TPD52L1: variants seen among roughly 807,000 people sequenced by gnomAD.
The protein encoded by TPD52L1 is TPD52 like 1.
Under a neutral mutation model 28.7 loss-of-function variants are expected in TPD52L1, and 18 were observed. That is an observed-to-expected ratio of 0.63 (90% CI 0.43 to 0.93). The LOEUF is 0.93. TPD52L1 is among the 40% of genes least tolerant of loss of function. The pLI is 0.00. For synonymous variants in TPD52L1, 75 were observed against 88.8 expected (o/e 0.84, Z 0.88); for missense variants, 203 against 254.8 (o/e 0.80, Z 1.39).
intron 1 of TPD52L1, among the ~76,000 whole-genome samples, chr6:125,158,062 A>G (rs563691): frequency 0.55 from 82,857 of 151,930 alleles, 25,255 homozygotes; most frequent in African/African-American, 0.84. Flanking sequence ...TTCTGTTCGC[A>G]TCAAACCTCC....
At chr6:125,211,444 A>G (rs1049363843) in intron 1 of TPD52L1, among the ~76,000 whole-genome samples, 35 of 152,202 alleles carry the variant, frequency 2.3e-4, no homozygotes, top group Non-Finnish European at 1.8e-4. Context: ...AATGTGAGAA[A>G]AAAAAAGTCT....
chr6:125,232,377 AG>A (rs1383394783), intron 3 of TPD52L1, among the ~76,000 whole-genome samples: 2 of 152,102 alleles, frequency 1.3e-5, no homozygotes, highest in Admixed American at 1.3e-4. Context: ...ATATGTTTGG[AG>A]GAGCGATAAA....
chr6:125,212,478 A>G (rs1273615823), intron 1 of TPD52L1, among the ~76,000 whole-genome samples: 1 of 152,256 alleles, frequency 6.6e-6, no homozygotes, highest in Non-Finnish European at 1.5e-5. Context: ...CATGGCCATG[A>G]AGCCACCACC....
At chr6:125,189,924 A>G (rs1294447082) in intron 1 of TPD52L1, among the ~76,000 whole-genome samples, 2 of 152,318 alleles carry the variant, frequency 1.3e-5, no homozygotes, top group East Asian at 3.9e-4. Context: ...ACACATAACA[A>G]AAAAGGGTAC....
At chr6:125,205,792 T>C (rs1444666529) in intron 1 of TPD52L1, among the ~76,000 whole-genome samples, 2 of 152,144 alleles carry the variant, frequency 1.3e-5, no homozygotes, top group African/African-American at 4.8e-5. Context: ...TTCCTGGCAG[T>C]CAGAAGATGG....
chr6:125,221,477 G>C (rs536103067), intron 2 of TPD52L1, among the ~76,000 whole-genome samples: 2 of 152,310 alleles, frequency 1.3e-5, no homozygotes, highest in East Asian at 3.9e-4. Context: ...CCATCATGGT[G>C]ATAATGCTAG....
chr6:125,248,849 C>G (rs1286641256), intron 4 of TPD52L1, among the ~76,000 whole-genome samples: 1 of 152,032 alleles, frequency 6.6e-6, no homozygotes, highest in Non-Finnish European at 1.5e-5. Context: ...CACACATATA[C>G]ACTTCTGGTA....
intron 1 of TPD52L1, chr6:125,208,824 C>T: frequency 1.3e-6 from 1 of 743,242 alleles, no homozygotes; most frequent in Non-Finnish European, 1.6e-6. Context: ...TGAGAGAGTG[C>T]TGTGTGGTGA....
chr6:125,216,759 G>A (rs904344714), intron 1 of TPD52L1, among the ~76,000 whole-genome samples: 3 of 151,868 alleles, frequency 2.0e-5, no homozygotes, highest in Non-Finnish European at 4.4e-5. Context: ...CTGGCATAGA[G>A]AGAAGGGATG....
At chr6:125,202,132 G>A (rs531460849) in intron 1 of TPD52L1, among the ~76,000 whole-genome samples, 1 of 152,080 alleles carries the variant, frequency 6.6e-6, no homozygotes, top group African/African-American at 2.4e-5. Context: ...TCTAACCCTC[G>A]CCTTTGCATT....
intron 1 of TPD52L1, among the ~76,000 whole-genome samples, chr6:125,218,329 A>G (rs907741858): frequency 6.6e-5 from 10 of 152,202 alleles, no homozygotes; most frequent in Non-Finnish European, 1.0e-4. Context: ...CCTGAGCATC[A>G]GTGAAGTCAA....
In TPD52L1 at chr6:125,263,008, C is replaced by T. The variant is rs1280803200; in HGVS notation, c.*46C>T. 6.4e-7 allele frequency: 1 copy of T among 1,573,770 alleles called. No homozygotes were observed. Among genetic ancestry groups the T allele is most frequent in the Non-Finnish European group, 8.6e-7 (1 of 1,161,222 alleles). Reference sequence around the variant, plus strand: ...CATCCAGAAACCGGCCACTACCCAGCCCATCTCTGCCTGTGCTTATCCAGA... The same window carrying T: ...CATCCAGAAACCGGCCACTACCCAGTCCATCTCTGCCTGTGCTTATCCAGA... On this transcript the variant is annotated 3_prime_UTR_variant, in exon 7 of 7. Transcript: ENST00000534000.
intron 1 of TPD52L1, among the ~76,000 whole-genome samples, chr6:125,172,057 T>C (rs1791339564): frequency 6.8e-6 from 1 of 147,396 alleles, no homozygotes; most frequent in African/African-American, 2.5e-5. Context: ...CCCACCTTCT[T>C]TCTCTTCTTT....
chr6:125,182,170 T>G (rs1347856055), intron 1 of TPD52L1, among the ~76,000 whole-genome samples: 1 of 152,180 alleles, frequency 6.6e-6, no homozygotes, highest in Non-Finnish European at 1.5e-5. Flanking sequence ...AAGCTAATAT[T>G]TATAAACATA....
At chr6:125,261,152 T>C (rs1242991198) in intron 6 of TPD52L1, 4 of 152,096 alleles carry the variant, frequency 2.6e-5, no homozygotes, top group Non-Finnish European at 5.9e-5. Flanking sequence ...AGAGCAACAA[T>C]GTGGTTCCCA....
chr6:125,263,519 G>A lies in TPD52L1; in HGVS notation c.*557G>A, dbSNP rs922567302. On this transcript the variant is annotated 3_prime_UTR_variant, in exon 7 of 7. Transcript: ENST00000534000. The stretch of plus-strand genomic sequence containing the variant: ...ATGACTTTGAATTCTTAATTTCTTT[G>A]TCTTAAAAGTTGCTAGTTATGATTT... 6.6e-6 allele frequency: 1 copy of A among 152,164 alleles called. No individual in the cohort carries two copies. The highest frequency in any genetic ancestry group is 2.1e-4 in the South Asian group (1 of 4,834). The allele number at this position is 152,164 out of a possible 1,614,324, so 9.4% of individuals were successfully genotyped here.
At chr6:125,239,041 A>G (rs533200348) in intron 3 of TPD52L1, among the ~76,000 whole-genome samples, 9 of 152,352 alleles carry the variant, frequency 5.9e-5, no homozygotes, top group African/African-American at 2.2e-4. Flanking sequence ...CTAGTTCTTT[A>G]AGGACTCTTC....
chr6:125,172,190 TTTCTTTCTTTCTTTC>T (rs1177280582), intron 1 of TPD52L1, among the ~76,000 whole-genome samples: 36 of 135,606 alleles, frequency 2.7e-4, no homozygotes, highest in African/African-American at 4.2e-4. Flanking sequence ...TCTTTCTTTC[TTTCTTTCTTTCTTTC>T]TTCTTTCTTT....
At chr6:125,235,314 C>T (rs1463840434) in intron 3 of TPD52L1, among the ~76,000 whole-genome samples, 1 of 151,950 alleles carries the variant, frequency 6.6e-6, no homozygotes, top group African/African-American at 2.4e-5. Context: ...TTAGACCAGG[C>T]ATGTCCAATA....
Sources: gnomAD v4.1 joint callset for allele counts (sites outside exome capture counted in the v4.1 genomes callset) on GRCh38, gnomAD v4.1.1 for gene constraint, MANE v1.5 for transcripts, NCBI Gene and HGNC (gene_info 2026-07-23, HGNC 2026-07-21) for gene names.